TBC1D9: variants seen among roughly 807,000 people sequenced by gnomAD.
The protein encoded by TBC1D9 is TBC1 domain family member 9A.
A neutral mutation model predicts 132.0 loss-of-function variants in TBC1D9; 63 were observed. The observed-to-expected ratio is 0.48, with a 90% CI of 0.39 to 0.59. The LOEUF is 0.59. Ranked by LOEUF, TBC1D9 falls within the 20% of genes least tolerant of loss-of-function variation. TBC1D9 has a pLI of 0.00. For synonymous variants in TBC1D9, 610 were observed against 609.9 expected (o/e 1.00, Z 0.00); for missense variants, 1,261 against 1,592.7 (o/e 0.79, Z 3.54).
intron 1 of TBC1D9, among the ~76,000 whole-genome samples, chr4:140,747,470 A>G (rs190627734): frequency 6.6e-6 from 1 of 152,360 alleles, no homozygotes; most frequent in East Asian, 1.9e-4. Context: ...ACTGAGGATA[A>G]TAATAGCATC....
intron 16 of TBC1D9, among the ~76,000 whole-genome samples, chr4:140,631,496 T>C (rs2110968589): frequency 6.6e-6 from 1 of 152,314 alleles, no homozygotes; most frequent in South Asian, 2.1e-4. Context: ...TAATTTCTAA[T>C]TCCACAAAGA....
At position 140,622,819 on chromosome 4, in the gene TBC1D9, G is replaced by GA; in HGVS notation, c.3176dup (p.Leu1060ProfsTer52). On this transcript the variant is annotated frameshift_variant, in exon 21 of 21. Coordinates refer to ENST00000442267, the MANE Select transcript of TBC1D9 (RefSeq NM_015130.3). LOFTEE classifies it high-confidence loss of function. The stretch of plus-strand genomic sequence containing the variant: ...TGCCGACCTCCCCAATCTCCAGCAG[G>GA]AGGCTGGTCACTGCTGCCGTGGCGT... 6.2e-7 allele frequency: 1 copy of GA among 1,600,858 alleles called. No individual in the cohort carries two copies. Among genetic ancestry groups the GA allele is most frequent in the Non-Finnish European group, 8.5e-7 (1 of 1,177,378 alleles).
chr4:140,642,665 C>T (rs992271843), intron 13 of TBC1D9: 1 of 684,306 alleles, frequency 1.5e-6, no homozygotes, highest in African/African-American at 1.8e-5. Context: ...AGTCTGGTTC[C>T]TCTCCCTGGC....
chr4:140,658,882 T>A (rs1737314328), intron 11 of TBC1D9, among the ~76,000 whole-genome samples: 1 of 152,136 alleles, frequency 6.6e-6, no homozygotes, highest in South Asian at 2.1e-4. Flanking sequence ...AATTACTTTT[T>A]AAAAAAACTT....
chr4:140,689,150 C>T (rs1737834109), intron 2 of TBC1D9, among the ~76,000 whole-genome samples: 1 of 152,164 alleles, frequency 6.6e-6, no homozygotes. Flanking sequence ...TCATCTGTCC[C>T]TGCCTACATT....
intron 2 of TBC1D9, among the ~76,000 whole-genome samples, chr4:140,689,842 C>T (rs1351739972): frequency 6.2e-5 from 9 of 146,180 alleles, no homozygotes; most frequent in East Asian, 2.0e-4. Flanking sequence ...CAAACTCCTG[C>T]GGCTCAGGAG....
chr4:140,674,677 A>ATG (rs1491268834), intron 6 of TBC1D9, among the ~76,000 whole-genome samples: 2 of 111,190 alleles, frequency 1.8e-5, no homozygotes, highest in Non-Finnish European at 4.0e-5. Flanking sequence ...TTGTAGAAGA[A>ATG]TATATATATA....
intron 12 of TBC1D9, 134 bp from the exon 13 acceptor site, chr4:140,657,360 A>G (rs1048467382): frequency 7.3e-7 from 1 of 1,374,046 alleles, no homozygotes; most frequent in Non-Finnish European, 9.9e-7. Flanking sequence ...AAAGAGAGAA[A>G]GAAATTCTGT....
At chr4:140,635,573 G>T (rs946972737) in intron 15 of TBC1D9, among the ~76,000 whole-genome samples, 6 of 152,214 alleles carry the variant, frequency 3.9e-5, no homozygotes, top group African/African-American at 1.4e-4. Flanking sequence ...AGAGTCAATT[G>T]TGAGTATGTT....
intron 5 of TBC1D9, among the ~76,000 whole-genome samples, chr4:140,677,478 T>C (rs1737643595): frequency 6.6e-6 from 1 of 152,144 alleles, no homozygotes; most frequent in African/African-American, 2.4e-5. Flanking sequence ...TAAGACCTAA[T>C]GAGAATGCAA....
chr4:140,692,911 T>C (rs1451537346), intron 2 of TBC1D9, among the ~76,000 whole-genome samples: 2 of 151,946 alleles, frequency 1.3e-5, no homozygotes, highest in Non-Finnish European at 2.9e-5. Context: ...TCCCAGCTAC[T>C]CGGGAGGCTA....
chr4:140,630,161 T>C (rs920147918), intron 16 of TBC1D9, among the ~76,000 whole-genome samples: 2 of 152,204 alleles, frequency 1.3e-5, no homozygotes, highest in African/African-American at 4.8e-5. Context: ...ATATTTATCC[T>C]TATCAATTTT....
At position 140,669,654 on chromosome 4, in the gene TBC1D9, C is replaced by T. The variant is rs371585876; in HGVS notation, c.1417G>A (p.Glu473Lys). 8.7e-6 allele frequency: 14 copies of T among 1,611,994 alleles called. No individual in the cohort carries two copies. Among genetic ancestry groups the T allele is most frequent in the South Asian group, 3.3e-5 (3 of 90,930 alleles). The change falls in exon 8 of 21, where the codon GAG becomes AAG. Residue 473 changes from glutamate (E) to lysine (K), a missense_variant. Glu to Lys is a moderately conservative substitution (Grantham distance 56). Transcript: ENST00000442267. ...LMTMYRRRSP[E>K]EFNPKLAKEF... Reference sequence around the variant, plus strand: ...CCCACCAATTTCGGGTTGAACTCCTCGGGAGACCGCCGCCGATACATGGTC... The same window carrying T: ...CCCACCAATTTCGGGTTGAACTCCTTGGGAGACCGCCGCCGATACATGGTC...
intron 16 of TBC1D9, among the ~76,000 whole-genome samples, chr4:140,629,875 C>T (rs1736765410): frequency 6.6e-6 from 1 of 152,232 alleles, no homozygotes. Context: ...TAACCACCCA[C>T]TCTGTGTTAA....
At position 140,676,915 on chromosome 4, in the gene TBC1D9, G is replaced by T; in HGVS notation, c.1038C>A (p.Ser346Arg). 3.1e-6 allele frequency: 5 copies of T among 1,613,914 alleles called. No individual in the cohort carries two copies. The highest frequency in any genetic ancestry group is 1.1e-5 in the South Asian group (1 of 91,074). ...CFTSKEENLCSLIIPLREVTI... is the reference protein window; with the variant it reads ...CFTSKEENLCRLIIPLREVTI... ...TTACCTCACGGAGCGGGATAATGAG[G>T]CTACATAAGTTCTCCTCCTTGCTGG... The change falls in exon 6 of 21, where the codon AGC (serine) becomes AGA (arginine). Residue 346 changes from serine to arginine, a missense_variant. Coordinates refer to ENST00000442267, the MANE Select transcript of TBC1D9 (RefSeq NM_015130.3).
rs1034507382 is a variant in TBC1D9 at position 140,621,081 on chromosome 4, C to T, written c.*1114G>A. On this transcript the variant is annotated 3_prime_UTR_variant, in exon 21 of 21. Transcript: ENST00000442267. The stretch of plus-strand genomic sequence containing the variant: ...GAAGCAAGAATTCAAAGTGCAGGTG[C>T]GCTAGCTTTCATTTCCACATCCATT... 7 of 152,574 alleles carry T rather than the reference C, an allele frequency of 4.6e-5. No homozygotes were observed. Among genetic ancestry groups the T allele is most frequent in the East Asian group, 1.9e-4 (1 of 5,204 alleles). The allele number at this position is 152,574 out of a possible 1,614,324, so 9.5% of individuals were successfully genotyped here. A position where few individuals can be genotyped will look rare whatever the true frequency, so the allele number is the denominator to read the frequency against.
At chr4:140,687,640 C>T (rs942711272) in intron 2 of TBC1D9, among the ~76,000 whole-genome samples, 3 of 151,638 alleles carry the variant, frequency 2.0e-5, no homozygotes, top group African/African-American at 7.3e-5. Context: ...ACTAAAATCG[C>T]TGAGAGAATG....
rs768984759 is a variant in TBC1D9, at chr4:140,661,855, A to T, written c.1803+38T>A. ...TTGCTGCCAAATGAATAGAAATTTT[A>T]TTTTATTTTTTTAGCAAAAACCACC... On this transcript the variant is annotated intron_variant, in intron 10 of 20. Coordinates refer to ENST00000442267, the MANE Select transcript of TBC1D9 (RefSeq NM_015130.3). 11 of 1,524,642 alleles carry T rather than the reference A, an allele frequency of 7.2e-6. No homozygotes were observed. In the South Asian group the frequency reaches 1.3e-4, roughly 18 times the overall value. The allele number at this position is 1,524,642 out of a possible 1,614,324, so 94.4% of individuals were successfully genotyped here.
At chr4:140,708,391 C>T (rs893856520) in intron 1 of TBC1D9, among the ~76,000 whole-genome samples, 3 of 152,122 alleles carry the variant, frequency 2.0e-5, no homozygotes, top group African/African-American at 7.2e-5. Flanking sequence ...ACTTTTTAAT[C>T]AGTATTGAAA....
Sources: gnomAD v4.1 joint callset for allele counts (sites outside exome capture counted in the v4.1 genomes callset) on GRCh38, gnomAD v4.1.1 for gene constraint, MANE v1.5 for transcripts, NCBI Gene and HGNC (gene_info 2026-07-23, HGNC 2026-07-21) for gene names.